Variants in KIAA1549L observed in about 807,000 individuals in gnomAD.
The protein encoded by KIAA1549L is UPF0606 protein KIAA1549L.
Under a neutral mutation model 160.7 loss-of-function variants are expected in KIAA1549L, and 88 were observed. That is an observed-to-expected ratio of 0.55 (90% CI 0.46 to 0.65). The LOEUF is 0.65. Among genes scored for constraint, KIAA1549L ranks in the 30% least tolerant of loss-of-function variants. KIAA1549L has a pLI of 0.00. For missense variants in KIAA1549L, 2,258 were observed against 2,437.5 expected (o/e 0.93, Z 1.55); for synonymous variants, 950 against 976.7 (o/e 0.97, Z 0.51).
chr11:33,638,422 TAAAA>T (rs371077129), intron 16 of KIAA1549L, among the ~76,000 whole-genome samples: 1 of 43,638 alleles, frequency 2.3e-5, no homozygotes. Flanking sequence ...CTAAAATAAA[TAAAA>T]AAAAAAAAAA....
intron 1 of KIAA1549L, among the ~76,000 whole-genome samples, chr11:33,405,839 C>CAAAAAAAAAAAAAAAAAAAAAAAAAAA (rs35479859): frequency 1.5e-5 from 1 of 68,878 alleles, no homozygotes; most frequent in Non-Finnish European, 2.7e-5. Flanking sequence ...CAGTCTGTCT[C>CAAAAAAAAAAAAAAAAAAAAAAAAAAA]AAAAAAAAAA....
chr11:33,519,942 CTTT>C (rs66807433), intron 1 of KIAA1549L, among the ~76,000 whole-genome samples: 12 of 145,312 alleles, frequency 8.3e-5, no homozygotes, highest in African/African-American at 1.3e-4. Context: ...GGGTCGCCAT[CTTT>C]TTTTTTTTTT....
chr11:33,506,218 G>C (rs1853083672), intron 1 of KIAA1549L, among the ~76,000 whole-genome samples: 1 of 152,194 alleles, frequency 6.6e-6, no homozygotes, highest in South Asian at 2.1e-4. Flanking sequence ...GTGGGCCCTG[G>C]CTCTGCCCTT....
At position 33,609,857 on chromosome 11, in the gene KIAA1549L, A is replaced by G. The variant is rs753374878; in HGVS notation, c.5170A>G (p.Lys1724Glu). ...YYDFPAVETS[K>E]GLTERKKMYE... The stretch of plus-strand genomic sequence containing the variant: ...CGACTTCCCTGCAGTGGAGACGAGC[A>G]AGGGTCTGACCGAAAGAAAGAAGAT... The change falls in exon 15 of 21, where the codon AAG becomes GAG. Residue 1724 changes from lysine to glutamate, a missense_variant. Physicochemically the swap from Lys to Glu is moderately conservative, Grantham distance 56 (BLOSUM62 1). Around this residue, in one of 6 missense-constraint regions of KIAA1549L, gnomAD observed 1,359 missense variants for 1,546.6 expected, o/e 0.88. Transcript: ENST00000658780. The G allele has an allele frequency of 6.2e-7, 1 of 1,613,970 alleles. No homozygotes were observed. The highest frequency in any genetic ancestry group is 1.1e-5 in the South Asian group (1 of 91,088).
In KIAA1549L at chr11:33,671,731, A is replaced by G. The variant is rs1308880452; in HGVS notation, c.*3577A>G. The G allele has an allele frequency of 6.6e-6, 1 of 152,234 alleles. No individual in the cohort carries two copies. Among genetic ancestry groups the G allele is most frequent in the African/African-American group, 2.4e-5 (1 of 41,464 alleles). The allele number at this position is 152,234 out of a possible 1,614,324, so 9.4% of individuals were successfully genotyped here. A position where few individuals can be genotyped will look rare whatever the true frequency, so the allele number is the denominator to read the frequency against. On this transcript the variant is annotated 3_prime_UTR_variant, in exon 21 of 21. Coordinates refer to ENST00000658780, the MANE Select transcript of KIAA1549L (RefSeq NM_012194.3). Reference sequence around the variant, plus strand: ...GGATCAAAAGATTTAAACATTGATTACATATAAACGAGTTTCCTTTTTTTC... The same window carrying G: ...GGATCAAAAGATTTAAACATTGATTGCATATAAACGAGTTTCCTTTTTTTC...
chr11:33,661,919 T>C (rs796603374), intron 20 of KIAA1549L, among the ~76,000 whole-genome samples: 18 of 146,514 alleles, frequency 1.2e-4, no homozygotes, highest in African/African-American at 4.3e-4. Flanking sequence ...AACCCAAGAC[T>C]GAATTATTAC....
chr11:33,567,946 T>A (rs1205891512), intron 8 of KIAA1549L, 130 bp from the exon 9 acceptor site: 3 of 849,986 alleles, frequency 3.5e-6, no homozygotes, highest in Non-Finnish European at 5.1e-6. Context: ...GAGGTAAGGT[T>A]GGCCAAGCCC....
intron 1 of KIAA1549L, among the ~76,000 whole-genome samples, chr11:33,516,033 C>A (rs918412490): frequency 6.6e-6 from 1 of 152,144 alleles, no homozygotes; most frequent in Admixed American, 6.5e-5. Context: ...GCACCCAAGG[C>A]AGACATTGCT....
intron 1 of KIAA1549L, among the ~76,000 whole-genome samples, chr11:33,465,039 C>CCTT: frequency 6.9e-6 from 1 of 145,744 alleles, no homozygotes; most frequent in Non-Finnish European, 1.5e-5. Flanking sequence ...TCGCATGGGA[C>CCTT]CTTCTTCTTT....
At chr11:33,544,546 G>A (rs917867900) in intron 2 of KIAA1549L, among the ~76,000 whole-genome samples, 1 of 152,166 alleles carries the variant, frequency 6.6e-6, no homozygotes, top group African/African-American at 2.4e-5. Flanking sequence ...CACAATGTAA[G>A]CATCCTTGCT....
At chr11:33,658,273 AG>A (rs538777697) in intron 18 of KIAA1549L, among the ~76,000 whole-genome samples, 2 of 151,994 alleles carry the variant, frequency 1.3e-5, no homozygotes, top group Non-Finnish European at 2.9e-5. Context: ...CCTGCCAGTT[AG>A]GAATAGGGAA....
At chr11:33,430,041 TCCTTCCTC>T (rs1200093248) in intron 1 of KIAA1549L, among the ~76,000 whole-genome samples, 2 of 140,388 alleles carry the variant, frequency 1.4e-5, no homozygotes, top group African/African-American at 2.8e-5. Flanking sequence ...CTTCCTTCCT[TCCTTCCTC>T]CCTTCCCTCT....
chr11:33,472,115 C>A lies in KIAA1549L; in HGVS notation c.239-69687C>A, dbSNP rs960091262. Reference sequence around the variant, plus strand: ...CTTTCTTCCTTCCTTTCCTTTTTTTCCTTTCTCTCTCTTTCTTTCTCCTTC... The same window carrying A: ...CTTTCTTCCTTCCTTTCCTTTTTTTACTTTCTCTCTCTTTCTTTCTCCTTC... On this transcript the variant is annotated intron_variant, in intron 1 of 20. Coordinates refer to ENST00000658780, the MANE Select transcript of KIAA1549L (RefSeq NM_012194.3). 5.3e-5 allele frequency among the ~76,000 whole-genome samples: 8 copies of A among 151,288 alleles called. No homozygotes were observed. The South Asian group carries it at 8.4e-4, about 16-fold the overall frequency.
chr11:33,655,581 C>T (rs1337738241), intron 17 of KIAA1549L, among the ~76,000 whole-genome samples: 1 of 152,194 alleles, frequency 6.6e-6, no homozygotes, highest in Non-Finnish European at 1.5e-5. Flanking sequence ...TTATTACACT[C>T]TAGTTGGTGG....
At chr11:33,450,991 C>G (rs918123931) in intron 1 of KIAA1549L, 7 of 152,484 alleles carry the variant, frequency 4.6e-5, no homozygotes, top group Non-Finnish European at 8.8e-5. Context: ...GCCTCCAGAC[C>G]TACTCCCTTT....
chr11:33,405,865 C>CAAAAAAAAAAAAAAAAAAAAAAAAAAAA (rs1850639559), intron 1 of KIAA1549L, among the ~76,000 whole-genome samples: 1 of 101,418 alleles, frequency 9.9e-6, no homozygotes, highest in African/African-American at 4.0e-5. Context: ...AAAAAAAAAG[C>CAAAAAAAAAAAAAAAAAAAAAAAAAAAA]AAAAGCTCTA....
intron 15 of KIAA1549L, among the ~76,000 whole-genome samples, chr11:33,614,672 G>A (rs1339562784): frequency 1.5e-5 from 2 of 134,660 alleles, no homozygotes. Context: ...GAGTGCTGTG[G>A]CGCTATCTCG....
intron 16 of KIAA1549L, among the ~76,000 whole-genome samples, chr11:33,629,319 A>C (rs937948181): frequency 2.4e-4 from 37 of 151,886 alleles, no homozygotes; most frequent in Non-Finnish European, 4.1e-4. Flanking sequence ...TATTTCCTGA[A>C]TCTGAATGTT....
chr11:33,464,806 C>A (rs1246305956), intron 1 of KIAA1549L, among the ~76,000 whole-genome samples: 1 of 152,010 alleles, frequency 6.6e-6, no homozygotes, highest in Admixed American at 6.6e-5. Context: ...TTCTTGATCA[C>A]CCTGTGTCTT....
Sources: allele counts gnomAD v4.1 joint callset (sites outside exome capture counted in the v4.1 genomes callset), GRCh38; gene constraint gnomAD v4.1.1; regional missense constraint gnomAD v4.1.1; transcripts MANE v1.5; gene names NCBI Gene and HGNC (gene_info 2026-07-23, HGNC 2026-07-21).